The following HDAC9 variants were observed in gnomAD, a reference collection of about 807,000 sequenced individuals.
The protein encoded by HDAC9 is MEF-2 interacting transcription repressor (MITR) protein.
HDAC9 carries 41 observed loss-of-function variants against 139.4 expected under a neutral mutation model. That is an observed-to-expected ratio of 0.29 (90% confidence interval 0.23 to 0.38). The LOEUF is 0.38. HDAC9 is among the 10% of genes least tolerant of loss of function. The pLI is 1.00. For missense variants in HDAC9, 1,147 were observed against 1,297.0 expected, an observed-to-expected ratio of 0.88 and a Z score of 1.78; for synonymous variants, 517 against 476.2, an observed-to-expected ratio of 1.09 and a Z score of -1.12.
intron 2 of HDAC9, among the ~76,000 whole-genome samples, chr7:18,254,284 A>T (rs1246005021): frequency 6.6e-6 from 1 of 152,226 alleles, no homozygotes; most frequent in African/African-American, 2.4e-5. Context: ...GTAAAGAGTT[A>T]CCTATCTAGG....
At chr7:18,217,754 G>A (rs545272346) in intron 2 of HDAC9, among the ~76,000 whole-genome samples, 24 of 152,280 alleles carry the variant, frequency 1.6e-4, no homozygotes, top group African/African-American at 4.6e-4. Context: ...CAAGTTATCC[G>A]TGGATATTTG....
In HDAC9 at chr7:18,586,944, C is replaced by T. The variant is rs1583726890; in HGVS notation, c.264+1422C>T. 1.3e-5 allele frequency among the ~76,000 whole-genome samples: 2 copies of T among 152,010 alleles called. 1 individual carries two copies. The highest frequency in any genetic ancestry group is 2.9e-5 in the Non-Finnish European group (2 of 67,944). ...GAAACAATAATAGAAACATTGATAT[C>T]TAGATCTGTTTCTTTCCTTCCAGCA... On this transcript the variant is annotated intron_variant, in intron 3 of 25. Coordinates refer to ENST00000686413, the MANE Select transcript of HDAC9 (RefSeq NM_178425.4).
chr7:18,851,455 A>G, intron 21 of HDAC9: 1 of 152,614 alleles, frequency 6.6e-6, no homozygotes, highest in Non-Finnish European at 1.5e-5. Flanking sequence ...CCATGATTGT[A>G]AGTTTCCTGA....
intron 1 of HDAC9, among the ~76,000 whole-genome samples, chr7:18,341,095 T>C (rs1301908924): frequency 6.6e-6 from 1 of 151,692 alleles, no homozygotes; most frequent in Non-Finnish European, 1.5e-5. Flanking sequence ...TTATCTTTTT[T>C]CTTTTGTACT....
At chr7:18,611,282 T>G (rs1446699478) in intron 6 of HDAC9, among the ~76,000 whole-genome samples, 3 of 152,138 alleles carry the variant, frequency 2.0e-5, no homozygotes, top group Non-Finnish European at 4.4e-5. Flanking sequence ...TGGTCAGGAA[T>G]AAATGGGTAA....
At chr7:18,411,975 A>G (rs752065256) in intron 1 of HDAC9, among the ~76,000 whole-genome samples, 4 of 151,654 alleles carry the variant, frequency 2.6e-5, no homozygotes, top group Non-Finnish European at 4.4e-5. Flanking sequence ...ACAGGTGTGC[A>G]CCACTATGCC....
At chr7:18,884,909 GTA>G (rs1348682643) in intron 22 of HDAC9, among the ~76,000 whole-genome samples, 3 of 152,118 alleles carry the variant, frequency 2.0e-5, no homozygotes, top group Non-Finnish European at 4.4e-5. Flanking sequence ...TTAATACTCT[GTA>G]TATCACACCT....
chr7:18,105,814 G>A (rs1311824090), intron 1 of HDAC9, among the ~76,000 whole-genome samples: 1 of 152,088 alleles, frequency 6.6e-6, no homozygotes, highest in Non-Finnish European at 1.5e-5. Context: ...GCCAGAAAGT[G>A]GAAACAACCC....
At chr7:18,695,931 G>T (rs1783013126) in intron 12 of HDAC9, among the ~76,000 whole-genome samples, 1 of 152,006 alleles carries the variant, frequency 6.6e-6, no homozygotes, top group South Asian at 2.1e-4. Flanking sequence ...TGAATATAAT[G>T]GACCTAGATG....
intron 23 of HDAC9, among the ~76,000 whole-genome samples, chr7:18,943,064 G>C (rs1273447463): frequency 6.6e-6 from 1 of 152,054 alleles, no homozygotes; most frequent in Admixed American, 6.5e-5. Context: ...TAACAAATTT[G>C]ACTGTCAAAT....
At chr7:18,284,419 G>T (rs1393589136) in intron 2 of HDAC9, among the ~76,000 whole-genome samples, 4 of 152,102 alleles carry the variant, frequency 2.6e-5, no homozygotes, top group African/African-American at 9.7e-5. Flanking sequence ...CTCAGTTAAT[G>T]TATTCAGTTG....
chr7:18,811,118 G>A (rs1011367059), intron 17 of HDAC9, among the ~76,000 whole-genome samples: 2 of 151,764 alleles, frequency 1.3e-5, no homozygotes, highest in African/African-American at 4.8e-5. Context: ...TTATTCCTGA[G>A]AGTGGTAATT....
At chr7:18,180,906 TG>T (rs1203402651) in intron 2 of HDAC9, among the ~76,000 whole-genome samples, 1 of 152,218 alleles carries the variant, frequency 6.6e-6, no homozygotes, top group African/African-American at 2.4e-5. Flanking sequence ...TTCTAGCATC[TG>T]GTGGCTGCTG....
intron 6 of HDAC9, among the ~76,000 whole-genome samples, chr7:18,606,318 T>C (rs1835487452): frequency 6.6e-6 from 1 of 152,208 alleles, no homozygotes; most frequent in Non-Finnish European, 1.5e-5. Context: ...CCACTTACTT[T>C]TAAATCTGTA....
At chr7:18,770,959 C>T (rs1790239148) in intron 16 of HDAC9, among the ~76,000 whole-genome samples, 1 of 152,130 alleles carries the variant, frequency 6.6e-6, no homozygotes, top group Non-Finnish European at 1.5e-5. Flanking sequence ...GCCCTGCAGA[C>T]AGCAGAGAAT....
intron 21 of HDAC9, among the ~76,000 whole-genome samples, chr7:18,854,260 A>T (rs1797511594): frequency 6.6e-6 from 1 of 152,184 alleles, no homozygotes; most frequent in South Asian, 2.1e-4. Context: ...AGAAAATGAA[A>T]TGTAAGGGTA....
intron 13 of HDAC9, among the ~76,000 whole-genome samples, chr7:18,745,887 T>TC (rs1301193156): frequency 9.6e-5 from 13 of 136,054 alleles, no homozygotes; most frequent in African/African-American, 4.0e-4. Context: ...CTTCTTCTTT[T>TC]TTTTTTTTTT....
chr7:18,301,488 T>C (rs992359236), intron 1 of HDAC9, among the ~76,000 whole-genome samples: 6 of 152,090 alleles, frequency 3.9e-5, no homozygotes, highest in Non-Finnish European at 8.8e-5. Context: ...TCCAGAGACT[T>C]ATTTAGGTTT....
intron 1 of HDAC9, among the ~76,000 whole-genome samples, chr7:18,427,455 GA>G (rs1790224154): frequency 1.3e-5 from 2 of 150,886 alleles, no homozygotes; most frequent in Admixed American, 1.3e-4. Flanking sequence ...ATTCATTTTA[GA>G]ATTTGACTTC....
Sources: gnomAD v4.1 joint callset for allele counts (sites outside exome capture counted in the v4.1 genomes callset) on GRCh38, gnomAD v4.1.1 for gene constraint, MANE v1.5 for transcripts, NCBI Gene and HGNC (gene_info 2026-07-23, HGNC 2026-07-21) for gene names.